The following SEMA3A variants were observed in gnomAD, a reference collection of about 807,000 sequenced individuals.
SEMA3A encodes the protein semaphorin-3A.
Under a neutral mutation model 97.9 loss-of-function variants are expected in SEMA3A, and 29 were observed. The ratio of observed to expected loss-of-function variants is 0.30; its 90% CI spans 0.22 to 0.40. The LOEUF (loss-of-function observed/expected upper bound fraction) is 0.40, where lower values mean the gene tolerates loss of function less well. SEMA3A is among the 10% of genes least tolerant of loss of function. SEMA3A has a pLI of 1.00. For missense variants in SEMA3A, 763 were observed against 951.3 expected (o/e 0.80, Z 2.60); for synonymous variants, 321 against 323.7 (o/e 0.99, Z 0.09).
At chr7:84,146,383 A>G (rs1445049853) in intron 1 of SEMA3A, among the ~76,000 whole-genome samples, 1 of 152,152 alleles carries the variant, frequency 6.6e-6, no homozygotes, top group Non-Finnish European at 1.5e-5. Context: ...AGATTTAAAT[A>G]TAGGTCTCCT....
At chr7:84,321,398 A>G (rs12112746) in intron 2 of SEMA3A, among the ~76,000 whole-genome samples, 4,986 of 152,278 alleles carry the variant, frequency 0.033, 245 homozygotes, top group East Asian at 0.11. Flanking sequence ...CAGAGACTCA[A>G]TATAACACAA....
chr7:84,066,365 C>G (rs1215828883), intron 4 of SEMA3A, among the ~76,000 whole-genome samples: 3 of 151,058 alleles, frequency 2.0e-5, no homozygotes, highest in Non-Finnish European at 4.4e-5. Context: ...TGGCACAATA[C>G]AGGGATGCCC....
At chr7:84,269,131 A>G (rs1332747326) in intron 3 of SEMA3A, among the ~76,000 whole-genome samples, 1 of 152,098 alleles carries the variant, frequency 6.6e-6, no homozygotes, top group African/African-American at 2.4e-5. Context: ...TGTTATGAGT[A>G]GAATTTTTTT....
intron 12 of SEMA3A, among the ~76,000 whole-genome samples, chr7:83,990,091 T>A (rs1442020522): frequency 6.6e-6 from 1 of 152,116 alleles, no homozygotes; most frequent in African/African-American, 2.4e-5. Context: ...TTTTTTCATG[T>A]GTTTTTTGGC....
chr7:84,268,005 T>G (rs1433930267), intron 3 of SEMA3A, among the ~76,000 whole-genome samples: 2 of 152,092 alleles, frequency 1.3e-5, no homozygotes, highest in Non-Finnish European at 2.9e-5. Context: ...TTGAATTACA[T>G]TAGGATAGCT....
At chr7:84,014,023 A>G (rs796492764) in intron 7 of SEMA3A, among the ~76,000 whole-genome samples, 186 bp downstream of exon 7, 11 of 152,326 alleles carry the variant, frequency 7.2e-5, no homozygotes, top group Admixed American at 5.2e-4. Context: ...CTGTACCTGT[A>G]TATTTGACTG....
chr7:84,469,883 G>A (rs747618119), intron 1 of SEMA3A, among the ~76,000 whole-genome samples: 1 of 151,842 alleles, frequency 6.6e-6, no homozygotes, highest in Non-Finnish European at 1.5e-5. Flanking sequence ...AAATCATGTT[G>A]ATAGTTGGTT....
chr7:84,393,283 T>C (rs1329187773), intron 1 of SEMA3A, among the ~76,000 whole-genome samples: 1 of 152,134 alleles, frequency 6.6e-6, no homozygotes, highest in African/African-American at 2.4e-5. Flanking sequence ...GTTTGCCCAA[T>C]ACCATTTATT....
intron 5 of SEMA3A, among the ~76,000 whole-genome samples, chr7:84,054,352 A>G (rs1467007908): frequency 1.3e-5 from 2 of 151,918 alleles, no homozygotes; most frequent in Non-Finnish European, 2.9e-5. Flanking sequence ...AGGTACACCA[A>G]TCAGATGTAG....
intron 12 of SEMA3A, among the ~76,000 whole-genome samples, chr7:83,995,138 G>A (rs951498968): frequency 4.6e-5 from 7 of 152,258 alleles, no homozygotes; most frequent in East Asian, 1.9e-4. Flanking sequence ...GACCCCTTGC[G>A]CTTCCCAAGT....
chr7:83,990,434 G>A (rs1326389975), intron 12 of SEMA3A, among the ~76,000 whole-genome samples: 2 of 144,198 alleles, frequency 1.4e-5, no homozygotes, highest in Non-Finnish European at 1.5e-5. Flanking sequence ...TTTTCTTCTA[G>A]GGTTTTTATG....
chr7:84,402,840 A>C (rs1211431737), intron 1 of SEMA3A, among the ~76,000 whole-genome samples: 1 of 152,168 alleles, frequency 6.6e-6, no homozygotes, highest in Non-Finnish European at 1.5e-5. Context: ...ACACGTTCTC[A>C]TTCATGTCTG....
intron 3 of SEMA3A, among the ~76,000 whole-genome samples, chr7:84,121,447 T>C (rs559159761): frequency 1.1e-3 from 169 of 150,604 alleles, no homozygotes; most frequent in South Asian, 1.7e-3. Flanking sequence ...CACCTATGAG[T>C]GAGAACATGC....
intron 5 of SEMA3A, among the ~76,000 whole-genome samples, chr7:84,056,795 G>C (rs1583888041): frequency 1.3e-5 from 2 of 152,166 alleles, no homozygotes; most frequent in East Asian, 3.9e-4. Context: ...TGTCTACATG[G>C]TATAAAATTG....
At position 84,176,248 on chromosome 7, in the gene SEMA3A, T is replaced by A. The variant is rs78524906; in HGVS notation, c.112+18227A>T. On this transcript the variant is annotated intron_variant, in intron 1 of 16. Coordinates refer to ENST00000265362, the MANE Select transcript of SEMA3A (RefSeq NM_006080.3). ...GTATGCTGTAAATTGCCAAAGCAAT[T>A]TAAGTGAAGGTCCCAATTAGTATAA... Among the ~76,000 whole-genome samples the A allele has an allele frequency of 6.8e-3, 1,028 of 152,188 alleles. 50 individuals are homozygous for A. The East Asian group carries it at 0.13, about 19-fold the overall frequency.
chr7:84,335,518 C>A (rs181069704), intron 2 of SEMA3A, among the ~76,000 whole-genome samples: 1 of 152,138 alleles, frequency 6.6e-6, no homozygotes, highest in African/African-American at 2.4e-5. Flanking sequence ...ATTACATACA[C>A]ACACAATATG....
At chr7:84,361,971 G>C (rs1359635384) in intron 2 of SEMA3A, among the ~76,000 whole-genome samples, 1 of 151,854 alleles carries the variant, frequency 6.6e-6, no homozygotes, top group Non-Finnish European at 1.5e-5. Flanking sequence ...ATAGCTTTCA[G>C]TTGTTTTTCT....
intron 1 of SEMA3A, among the ~76,000 whole-genome samples, chr7:84,404,092 C>T (rs1433993975): frequency 6.6e-6 from 1 of 152,092 alleles, no homozygotes; most frequent in Non-Finnish European, 1.5e-5. Context: ...GATCAAACTA[C>T]TCCAAGCTAA....
chr7:84,042,187 T>A (rs1792158064), intron 6 of SEMA3A, among the ~76,000 whole-genome samples: 1 of 152,120 alleles, frequency 6.6e-6, no homozygotes, highest in Non-Finnish European at 1.5e-5. Context: ...GAAGCTACGC[T>A]GATTCCAATA....
Sources: allele counts gnomAD v4.1 joint callset (sites outside exome capture counted in the v4.1 genomes callset), GRCh38; gene constraint gnomAD v4.1.1; transcripts MANE v1.5; gene names NCBI Gene and HGNC (gene_info 2026-07-23, HGNC 2026-07-21).